ITGAE: variants seen among roughly 807,000 people sequenced by gnomAD.
ITGAE encodes integrin alpha-E.
In ITGAE, 99 loss-of-function variants were observed where a neutral mutation model predicts 136.5. The ratio of observed to expected loss-of-function variants is 0.73; its 90% confidence interval spans 0.62 to 0.86. The LOEUF (loss-of-function observed/expected upper bound fraction) is 0.86. Among genes scored for constraint, ITGAE ranks in the 40% least tolerant of loss-of-function variants. ITGAE has a pLI of 0.00. For missense variants in ITGAE, 1,447 were observed against 1,515.3 expected (o/e 0.95, Z 0.75); for synonymous variants, 613 against 591.8 (o/e 1.04, Z -0.52).
intron 24 of ITGAE, among the ~76,000 whole-genome samples, chr17:3,729,019 G>C (rs908884983): frequency 1.3e-5 from 2 of 148,356 alleles, no homozygotes; most frequent in East Asian, 2.0e-4. Flanking sequence ...CTGGGCGACA[G>C]AGTGAGACTT....
At position 3,763,959 on chromosome 17, in the gene ITGAE, G is replaced by A; in HGVS notation, c.157C>T (p.Leu53Phe). 1 of 1,610,208 alleles carries A rather than the reference G, an allele frequency of 6.2e-7. No homozygotes were observed. Among genetic ancestry groups the A allele is most frequent in the East Asian group, 2.2e-5 (1 of 44,802 alleles). Residue 53 changes from leucine to phenylalanine, a missense_variant and splice_region_variant, in exon 3 of 31, where the codon CTC becomes TTC. Around this residue, in one of 3 missense-constraint regions of ITGAE, gnomAD observed 106 missense variants for 87.8 expected, o/e 1.21. Transcript: ENST00000263087. ...HQDPSTNQTWLLVTSPRTKRT... is the reference protein window; with the variant it reads ...HQDPSTNQTWFLVTSPRTKRT... ...TTGGTTCTGGGGCTGGTGACCAGGAGCCTGAGTGGGAGGGGAGGTTGCAAA... is the reference window on the plus strand; with the variant it reads ...TTGGTTCTGGGGCTGGTGACCAGGAACCTGAGTGGGAGGGGAGGTTGCAAA...
At chr17:3,800,999 C>A in intron 1 of ITGAE, 112 bp downstream of exon 1, 1 of 1,257,576 alleles carries the variant, frequency 8.0e-7, no homozygotes, top group Non-Finnish European at 1.2e-6. Flanking sequence ...TCTCTAACCT[C>A]TGGCTCTAAC....
At chr17:3,753,968 C>T in intron 12 of ITGAE, 43 bp from the exon 13 acceptor site, 1 of 1,593,810 alleles carries the variant, frequency 6.3e-7, no homozygotes, top group South Asian at 1.1e-5. Flanking sequence ...CGTGTGCTCC[C>T]ACCTGGCCTC....
At position 3,716,682 on chromosome 17, in the gene ITGAE, A is replaced by G. The variant is rs904199344; in HGVS notation, c.3444+6T>C. ...CCCTCACTGTGATGCCATGAGTAGA[A>G]CTGACCTTGAACAGGATGACCAGAA... On this transcript the variant is annotated splice_donor_region_variant and intron_variant, in intron 30 of 30. Coordinates refer to ENST00000263087, the MANE Select transcript of ITGAE (RefSeq NM_002208.5). 6.5e-7 allele frequency: 1 copy of G among 1,534,996 alleles called. No individual in the cohort carries two copies. Among genetic ancestry groups the G allele is most frequent in the Non-Finnish European group, 9.0e-7 (1 of 1,107,972 alleles).
Position 3,728,179 on chromosome 17 carries a change from C to G in ITGAE, c.2913-11G>C, listed in dbSNP as rs7219600. 0.32 allele frequency: 520,640 copies of G among 1,602,720 alleles called. 92,144 individuals are homozygous for G. The highest frequency in any genetic ancestry group is 0.66 in the African/African-American group (48,934 of 74,570). Reference sequence around the variant, plus strand: ...TACATTATGGATGGTCTGCAATTGACAGGACATGCGTCAGCCCTTGAGGAG... The same window carrying G: ...TACATTATGGATGGTCTGCAATTGAGAGGACATGCGTCAGCCCTTGAGGAG... On this transcript the variant is annotated splice_polypyrimidine_tract_variant and intron_variant, in intron 24 of 30. Coordinates refer to ENST00000263087, the MANE Select transcript of ITGAE (RefSeq NM_002208.5).
At chr17:3,785,851 T>A (rs1597367737) in intron 1 of ITGAE, among the ~76,000 whole-genome samples, 2 of 150,580 alleles carry the variant, frequency 1.3e-5, no homozygotes, top group Admixed American at 6.6e-5. Flanking sequence ...AGGGGGGACA[T>A]CATAATAGAT....
chr17:3,756,693 C>T (rs2052035044), intron 10 of ITGAE, among the ~76,000 whole-genome samples: 1 of 152,252 alleles, frequency 6.6e-6, no homozygotes, highest in African/African-American at 2.4e-5. Context: ...GCGTGAGCCA[C>T]CACACCTGGC....
At chr17:3,750,506 G>A (rs771789233) in intron 15 of ITGAE, 24 bp from the exon 16 acceptor site, 21 of 1,613,510 alleles carry the variant, frequency 1.3e-5, no homozygotes, top group Non-Finnish European at 1.6e-5. Flanking sequence ...AACACAAGGC[G>A]TGGGGCGAGG....
At chr17:3,745,342 A>G (rs926507864) in intron 18 of ITGAE, among the ~76,000 whole-genome samples, 3 of 151,870 alleles carry the variant, frequency 2.0e-5, no homozygotes, top group African/African-American at 7.3e-5. Context: ...TTCTTGATTT[A>G]TTATTATTAT....
chr17:3,797,366 T>G (rs188285041), intron 1 of ITGAE, among the ~76,000 whole-genome samples: 4 of 150,934 alleles, frequency 2.7e-5, no homozygotes, highest in East Asian at 3.9e-4. Flanking sequence ...GGAGTTTCAC[T>G]GTGTTAGCCA....
At chr17:3,790,456 G>A (rs1018685816) in intron 1 of ITGAE, among the ~76,000 whole-genome samples, 4 of 151,816 alleles carry the variant, frequency 2.6e-5, no homozygotes, top group East Asian at 1.9e-4. Context: ...GCAGTGAGCC[G>A]AGATCGCACC....
chr17:3,735,132 T>A (rs1186143251), intron 20 of ITGAE, among the ~76,000 whole-genome samples, 183 bp from the exon 21 acceptor site: 2 of 152,218 alleles, frequency 1.3e-5, no homozygotes, highest in Non-Finnish European at 1.5e-5. Context: ...TAGCTGGGAC[T>A]ACAGGTGTTT....
intron 1 of ITGAE, among the ~76,000 whole-genome samples, chr17:3,780,049 C>T (rs1241517547): frequency 6.6e-6 from 1 of 152,208 alleles, no homozygotes; most frequent in Non-Finnish European, 1.5e-5. Context: ...TCTCGGCTCA[C>T]CGCAACCTCT....
At chr17:3,759,361 CTG>C (rs755124296) in intron 8 of ITGAE, 39 bp downstream of exon 8, 77 of 1,597,538 alleles carry the variant, frequency 4.8e-5, no homozygotes, top group Non-Finnish European at 1.1e-5. Context: ...CACAGAGACT[CTG>C]GGCATGGCCA....
intron 20 of ITGAE, among the ~76,000 whole-genome samples, chr17:3,738,138 G>C (rs978176794): frequency 1.3e-5 from 2 of 152,098 alleles, no homozygotes; most frequent in Non-Finnish European, 2.9e-5. Flanking sequence ...CACAACACTA[G>C]TCGCCAAGGA....
At chr17:3,730,136 C>G (rs1048231234) in intron 23 of ITGAE, among the ~76,000 whole-genome samples, 1 of 152,094 alleles carries the variant, frequency 6.6e-6, no homozygotes, top group South Asian at 2.1e-4. Flanking sequence ...CCTGGCTCCC[C>G]AGGGTCACTG....
At chr17:3,722,103 C>T (rs1292984310) in intron 28 of ITGAE, among the ~76,000 whole-genome samples, 5 of 151,822 alleles carry the variant, frequency 3.3e-5, no homozygotes, top group Admixed American at 2.0e-4. Context: ...CGCTTGAACC[C>T]GGGAGGCGGA....
intron 17 of ITGAE, among the ~76,000 whole-genome samples, chr17:3,747,533 TCTC>T (rs1410769086): frequency 6.6e-6 from 1 of 152,046 alleles, no homozygotes; most frequent in African/African-American, 2.4e-5. Flanking sequence ...ATGGTCTCGA[TCTC>T]CTGACCGCGT....
chr17:3,797,223 T>G (rs1180045725), intron 1 of ITGAE, among the ~76,000 whole-genome samples: 1 of 142,378 alleles, frequency 7.0e-6, no homozygotes, highest in Non-Finnish European at 1.5e-5. Flanking sequence ...TGGAGTGCAG[T>G]GGCGCAATCT....
Sources: gnomAD v4.1 joint callset for allele counts (sites outside exome capture counted in the v4.1 genomes callset) on GRCh38, gnomAD v4.1.1 for gene constraint, gnomAD v4.1.1 regional missense constraint, MANE v1.5 for transcripts, NCBI Gene and HGNC (gene_info 2026-07-23, HGNC 2026-07-21) for gene names.